SLC25A21: variants seen among roughly 807,000 people sequenced by gnomAD.
SLC25A21 encodes solute carrier family 25 member 21.
In SLC25A21, 47 loss-of-function variants were observed where a neutral mutation model predicts 43.8. The ratio of observed to expected loss-of-function variants is 1.07; its 90% CI spans 0.85 to 1.37. The LOEUF (loss-of-function observed/expected upper bound fraction) is 1.37, where lower values mean the gene tolerates loss of function less well. Among genes scored for constraint, SLC25A21 ranks in the 40% most tolerant of loss-of-function variants. The pLI, the probability that SLC25A21 is intolerant of heterozygous loss-of-function variation, is 0.00. For missense variants in SLC25A21, 352 were observed against 350.2 expected (o/e 1.00, Z -0.04); for synonymous variants, 131 against 121.3 (o/e 1.08, Z -0.52).
chr14:36,688,052 C>A (rs2139146125), intron 7 of SLC25A21, among the ~76,000 whole-genome samples: 1 of 152,304 alleles, frequency 6.6e-6, no homozygotes, highest in Non-Finnish European at 1.5e-5. Flanking sequence ...TACCCCGAAT[C>A]CATACTATGG....
chr14:37,091,945 T>C (rs781498728), intron 1 of SLC25A21, among the ~76,000 whole-genome samples: 10 of 152,086 alleles, frequency 6.6e-5, no homozygotes, highest in Non-Finnish European at 1.2e-4. Context: ...CTGGGCAACA[T>C]GGCAAAACCC....
chr14:36,997,357 G>A (rs1015830679), intron 1 of SLC25A21, among the ~76,000 whole-genome samples: 2 of 152,118 alleles, frequency 1.3e-5, no homozygotes, highest in African/African-American at 4.8e-5. Context: ...GAGCAGGTGA[G>A]ACTGAGGAGA....
At chr14:36,847,192 A>C (rs967502520) in intron 2 of SLC25A21, among the ~76,000 whole-genome samples, 1 of 152,222 alleles carries the variant, frequency 6.6e-6, no homozygotes, top group Non-Finnish European at 1.5e-5. Flanking sequence ...TTTGGTTAAG[A>C]AATTTAGGTC....
At chr14:36,754,143 T>C (rs1189974960) in intron 3 of SLC25A21, among the ~76,000 whole-genome samples, 1 of 152,170 alleles carries the variant, frequency 6.6e-6, no homozygotes, top group Non-Finnish European at 1.5e-5. Flanking sequence ...TCTGTGAGGA[T>C]GTTTTTGGGT....
chr14:37,078,980 GAA>G (rs1962335330), intron 1 of SLC25A21, among the ~76,000 whole-genome samples: 1 of 152,080 alleles, frequency 6.6e-6, no homozygotes, highest in African/African-American at 2.4e-5. Context: ...TTCTAGGAAA[GAA>G]AGGAAAACCC....
intron 1 of SLC25A21, among the ~76,000 whole-genome samples, chr14:36,894,069 C>G (rs904576606): frequency 1.2e-4 from 18 of 152,134 alleles, no homozygotes; most frequent in Admixed American, 9.2e-4. Flanking sequence ...TTTTCCAATT[C>G]TGTGAAGAAA....
At chr14:36,885,248 C>A (rs1489602187) in intron 1 of SLC25A21, among the ~76,000 whole-genome samples, 3 of 152,098 alleles carry the variant, frequency 2.0e-5, no homozygotes, top group Non-Finnish European at 1.5e-5. Context: ...GTTCCTGGCA[C>A]CTTTGTGGAA....
intron 1 of SLC25A21, among the ~76,000 whole-genome samples, chr14:37,070,416 G>A (rs77607599): frequency 8.8e-4 from 134 of 152,210 alleles, no homozygotes; most frequent in African/African-American, 2.9e-3. Flanking sequence ...TTAAACTTCT[G>A]CAAATGCCCT....
At chr14:37,100,552 G>C (rs1010636191) in intron 1 of SLC25A21, among the ~76,000 whole-genome samples, 1 of 152,196 alleles carries the variant, frequency 6.6e-6, no homozygotes, top group African/African-American at 2.4e-5. Flanking sequence ...AGGTAGAAAT[G>C]TAATTCATTG....
chr14:36,757,425 T>C (rs1473721634), intron 3 of SLC25A21, among the ~76,000 whole-genome samples: 2 of 152,192 alleles, frequency 1.3e-5, no homozygotes, highest in African/African-American at 4.8e-5. Context: ...TCTGTGCTTA[T>C]TGTGAACCAC....
chr14:36,962,003 T>C (rs367800738), intron 1 of SLC25A21, among the ~76,000 whole-genome samples: 28 of 152,174 alleles, frequency 1.8e-4, no homozygotes, highest in African/African-American at 6.5e-4. Context: ...TTCAGCTGCA[T>C]TGCCACAGCT....
At chr14:37,021,951 T>G (rs1294500033) in intron 1 of SLC25A21, among the ~76,000 whole-genome samples, 1 of 151,912 alleles carries the variant, frequency 6.6e-6, no homozygotes, top group Non-Finnish European at 1.5e-5. Flanking sequence ...AGATAAGATA[T>G]TTAAATGGTC....
At chr14:37,050,349 C>T (rs959173182) in intron 1 of SLC25A21, among the ~76,000 whole-genome samples, 2 of 152,156 alleles carry the variant, frequency 1.3e-5, no homozygotes, top group African/African-American at 2.4e-5. Flanking sequence ...CATAGGAAAT[C>T]GGGTATCTTT....
At chr14:36,783,378 G>A (rs1887141608) in intron 3 of SLC25A21, among the ~76,000 whole-genome samples, 1 of 152,118 alleles carries the variant, frequency 6.6e-6, no homozygotes, top group Admixed American at 6.6e-5. Flanking sequence ...CCATGAAGCA[G>A]TTAGTACCAT....
intron 1 of SLC25A21, among the ~76,000 whole-genome samples, chr14:36,939,735 C>T (rs1056600503): frequency 2.0e-5 from 3 of 151,964 alleles, no homozygotes; most frequent in Non-Finnish European, 4.4e-5. Context: ...ATTCTACTTA[C>T]GTTTTATTAA....
intron 1 of SLC25A21, among the ~76,000 whole-genome samples, chr14:37,171,684 A>AT (rs771902577): frequency 6.6e-6 from 1 of 152,104 alleles, no homozygotes; most frequent in East Asian, 1.9e-4. Flanking sequence ...CTAAAGGTTT[A>AT]TTTTTTCCCC....
chr14:37,044,368 C>T (rs1361783974), intron 1 of SLC25A21, among the ~76,000 whole-genome samples: 2 of 152,014 alleles, frequency 1.3e-5, no homozygotes, highest in Non-Finnish European at 2.9e-5. Context: ...GCTTACTTGT[C>T]TTATTTAAAT....
At chr14:36,898,045 C>T (rs1489972737) in intron 1 of SLC25A21, among the ~76,000 whole-genome samples, 2 of 152,200 alleles carry the variant, frequency 1.3e-5, no homozygotes, top group Non-Finnish European at 2.9e-5. Flanking sequence ...GGGAGAACCA[C>T]TACTCTCTTC....
chr14:37,112,564 A>G (rs1963038563), intron 1 of SLC25A21, among the ~76,000 whole-genome samples: 1 of 152,166 alleles, frequency 6.6e-6, no homozygotes, highest in African/African-American at 2.4e-5. Context: ...TCCCCAAACT[A>G]TACTTCGCAG....
Sources: allele counts gnomAD v4.1 joint callset (sites outside exome capture counted in the v4.1 genomes callset), GRCh38; gene constraint gnomAD v4.1.1; transcripts MANE v1.5; gene names NCBI Gene and HGNC (gene_info 2026-07-23, HGNC 2026-07-21).